AGK: variants seen among roughly 807,000 people sequenced by gnomAD.
The protein encoded by AGK is acylglycerol kinase.
In AGK, 52 loss-of-function variants were observed where a neutral mutation model predicts 66.4. The ratio of observed to expected loss-of-function variants is 0.78; its 90% CI spans 0.63 to 0.99. The LOEUF (loss-of-function observed/expected upper bound fraction) is 0.99, where lower values mean the gene tolerates loss of function less well. AGK is among the 50% of genes least tolerant of loss of function. The pLI is 0.00. For missense variants in AGK, 451 were observed against 506.6 expected (o/e 0.89, Z 1.05); for synonymous variants, 182 against 181.1 (o/e 1.00, Z -0.04).
chr7:141,570,486 AAATT>A (rs545320846), intron 2 of AGK, among the ~76,000 whole-genome samples: 2 of 152,282 alleles, frequency 1.3e-5, no homozygotes, highest in East Asian at 1.9e-4. Context: ...CTAAAGAAAA[AAATT>A]AATTTAAAAA....
At chr7:141,652,173 T>C (rs779638361) in intron 15 of AGK, among the ~76,000 whole-genome samples, 7 of 152,222 alleles carry the variant, frequency 4.6e-5, no homozygotes, top group Non-Finnish European at 8.8e-5. Flanking sequence ...TGGCCATATA[T>C]TACTGTATTC....
intron 4 of AGK, among the ~76,000 whole-genome samples, chr7:141,600,058 T>G (rs1483268549): frequency 1.3e-5 from 2 of 152,186 alleles, no homozygotes; most frequent in Non-Finnish European, 2.9e-5. Flanking sequence ...CCTTTGTAGC[T>G]GAATATAAAA....
chr7:141,560,418 T>C (rs1795314802), intron 2 of AGK, among the ~76,000 whole-genome samples: 1 of 152,076 alleles, frequency 6.6e-6, no homozygotes, highest in Admixed American at 6.6e-5. Flanking sequence ...TCTTCTTCTT[T>C]TTTTTTTCCC....
intron 7 of AGK, 47 bp downstream of exon 7, chr7:141,614,225 T>C: frequency 1.5e-6 from 2 of 1,354,000 alleles, no homozygotes; most frequent in African/African-American, 1.5e-5. Flanking sequence ...TTTTCTGTTC[T>C]TTTTTATTGC....
intron 2 of AGK, among the ~76,000 whole-genome samples, chr7:141,591,313 G>T (rs982223065): frequency 6.6e-6 from 1 of 151,862 alleles, no homozygotes; most frequent in African/African-American, 2.4e-5. Flanking sequence ...GGCTGGTCAC[G>T]AACTCCTGAC....
intron 2 of AGK, among the ~76,000 whole-genome samples, chr7:141,563,251 C>A (rs1795390918): frequency 6.6e-6 from 1 of 152,222 alleles, no homozygotes; most frequent in Non-Finnish European, 1.5e-5. Context: ...ATTAGCCCTG[C>A]CTTTTATCTG....
intron 2 of AGK, among the ~76,000 whole-genome samples, chr7:141,591,055 A>G (rs965012291): frequency 7.0e-6 from 1 of 142,182 alleles, no homozygotes; most frequent in African/African-American, 2.6e-5. Flanking sequence ...TGTCATGATA[A>G]TTTCAGTAAA....
chr7:141,604,318 C>T (rs1240431828), intron 5 of AGK, among the ~76,000 whole-genome samples: 1 of 148,576 alleles, frequency 6.7e-6, no homozygotes, highest in Non-Finnish European at 1.5e-5. Flanking sequence ...ACCATGTTTA[C>T]ACATGCTCTC....
intron 4 of AGK, among the ~76,000 whole-genome samples, chr7:141,600,621 A>C (rs1380309010): frequency 2.0e-5 from 3 of 152,126 alleles, no homozygotes; most frequent in Admixed American, 2.0e-4. Flanking sequence ...GATTAATAAG[A>C]TTTGGTATTT....
chr7:141,558,483 A>G (rs1795264784), intron 2 of AGK, among the ~76,000 whole-genome samples: 1 of 152,052 alleles, frequency 6.6e-6, no homozygotes, highest in African/African-American at 2.4e-5. Flanking sequence ...CTCTAAATGT[A>G]AAGATATATT....
intron 2 of AGK, among the ~76,000 whole-genome samples, chr7:141,588,415 A>G (rs1024540796): frequency 3.9e-5 from 6 of 152,258 alleles, no homozygotes; most frequent in African/African-American, 1.4e-4. Context: ...TCATGAGGTC[A>G]GGAGTTCGGT....
intron 8 of AGK, among the ~76,000 whole-genome samples, chr7:141,619,076 CT>C (rs1796768399): frequency 6.6e-6 from 1 of 152,044 alleles, no homozygotes; most frequent in Admixed American, 6.6e-5. Flanking sequence ...AGAGATACTT[CT>C]GTGTTCATGG....
chr7:141,644,161 A>G (rs1236194257), intron 13 of AGK, among the ~76,000 whole-genome samples: 2 of 151,972 alleles, frequency 1.3e-5, no homozygotes, highest in Non-Finnish European at 2.9e-5. Context: ...CTAATTATAC[A>G]TCTCCTTTAT....
chr7:141,587,052 C>A (rs1587094879), intron 2 of AGK, among the ~76,000 whole-genome samples: 1 of 152,176 alleles, frequency 6.6e-6, no homozygotes, highest in South Asian at 2.1e-4. Context: ...ATAGACAGAC[C>A]CAGAACTAAG....
chr7:141,644,309 A>G (rs1333433422), intron 13 of AGK, among the ~76,000 whole-genome samples: 3 of 152,202 alleles, frequency 2.0e-5, no homozygotes, highest in Non-Finnish European at 2.9e-5. Context: ...CCACACTCAC[A>G]ATGCCAAGTG....
intron 8 of AGK, 125 bp downstream of exon 8, chr7:141,615,690 C>A: frequency 1.3e-6 from 1 of 774,724 alleles, no homozygotes; most frequent in Non-Finnish European, 2.2e-6. Flanking sequence ...AAGAGGAGGA[C>A]CTAGATCAGA....
At chr7:141,561,043 T>C (rs1750128717) in intron 2 of AGK, among the ~76,000 whole-genome samples, 1 of 152,210 alleles carries the variant, frequency 6.6e-6, no homozygotes, top group Admixed American at 6.5e-5. Context: ...TCCGCCCGCC[T>C]CGGCCTCCCA....
chr7:141,606,220 G>A (rs1041186661), intron 5 of AGK, among the ~76,000 whole-genome samples: 1 of 152,018 alleles, frequency 6.6e-6, no homozygotes, highest in South Asian at 2.1e-4. Flanking sequence ...TCTTTCTTCC[G>A]CAAAATAGTC....
At chr7:141,617,177 AT>A (rs1796725055) in intron 8 of AGK, among the ~76,000 whole-genome samples, 1 of 152,028 alleles carries the variant, frequency 6.6e-6, no homozygotes, top group South Asian at 2.1e-4. Context: ...GTCAGTGTAG[AT>A]TTTTTGAATT....
Sources: allele counts gnomAD v4.1 joint callset (sites outside exome capture counted in the v4.1 genomes callset), GRCh38; gene constraint gnomAD v4.1.1; transcripts MANE v1.5; gene names NCBI Gene and HGNC (gene_info 2026-07-23, HGNC 2026-07-21).